Variants in SPIRE1 observed in about 807,000 individuals in gnomAD.
The protein encoded by SPIRE1 is protein spire homolog 1.
In SPIRE1, 40 loss-of-function variants were observed where a neutral mutation model predicts 94.1. The observed-to-expected ratio is 0.43, with a 90% confidence interval of 0.33 to 0.55. The LOEUF (loss-of-function observed/expected upper bound fraction) is 0.55. Ranked by LOEUF, SPIRE1 falls within the 20% of genes least tolerant of loss-of-function variation. The pLI is 0.06. For missense variants in SPIRE1, 838 were observed against 975.2 expected (o/e 0.86, Z 1.87); for synonymous variants, 376 against 371.7 (o/e 1.01, Z -0.13).
chr18:12,499,504 T>C (rs1862182314), intron 6 of SPIRE1, among the ~76,000 whole-genome samples: 1 of 146,648 alleles, frequency 6.8e-6, no homozygotes, highest in South Asian at 2.2e-4. Context: ...ATTTTTCCAT[T>C]TCTGCCAAAA....
At chr18:12,574,968 G>C (rs1223703733) in intron 2 of SPIRE1, among the ~76,000 whole-genome samples, 1 of 152,180 alleles carries the variant, frequency 6.6e-6, no homozygotes, top group East Asian at 1.9e-4. Flanking sequence ...GGAGGTCATT[G>C]GAGACTTTGG....
At chr18:12,501,519 G>A (rs904544220) in intron 6 of SPIRE1, among the ~76,000 whole-genome samples, 1 of 152,196 alleles carries the variant, frequency 6.6e-6, no homozygotes, top group African/African-American at 2.4e-5. Context: ...GAGTGGCTGG[G>A]ACTACAGGCA....
At chr18:12,592,024 GA>G (rs1293261769) in intron 2 of SPIRE1, among the ~76,000 whole-genome samples, 3 of 147,076 alleles carry the variant, frequency 2.0e-5, no homozygotes, top group African/African-American at 7.6e-5. Flanking sequence ...AAAAAATCAG[GA>G]ATTAACTTTA....
intron 12 of SPIRE1, among the ~76,000 whole-genome samples, chr18:12,458,971 G>A (rs1168261694): frequency 1.3e-5 from 2 of 152,188 alleles, no homozygotes; most frequent in Non-Finnish European, 2.9e-5. Flanking sequence ...CAAGGACAAG[G>A]TTAGTAAATC....
chr18:12,602,966 C>G (rs1438888685), intron 2 of SPIRE1, among the ~76,000 whole-genome samples: 2 of 152,152 alleles, frequency 1.3e-5, no homozygotes, highest in African/African-American at 4.8e-5. Flanking sequence ...ACAGATGCTG[C>G]TTGACTTATG....
At chr18:12,603,631 GT>G (rs910388582) in intron 2 of SPIRE1, among the ~76,000 whole-genome samples, 15 of 150,616 alleles carry the variant, frequency 1.0e-4, no homozygotes, top group African/African-American at 3.4e-4. Flanking sequence ...CTGCAGTGCA[GT>G]GGTGCAATCT....
chr18:12,589,792 C>A (rs2036481076), intron 2 of SPIRE1, among the ~76,000 whole-genome samples: 2 of 152,174 alleles, frequency 1.3e-5, no homozygotes, highest in East Asian at 3.8e-4. Context: ...CCTCATTACT[C>A]ATTTTATCTA....
At chr18:12,598,300 T>C (rs2036735449) in intron 2 of SPIRE1, among the ~76,000 whole-genome samples, 4 of 152,172 alleles carry the variant, frequency 2.6e-5, no homozygotes, top group African/African-American at 9.6e-5. Context: ...TTAAAAACAA[T>C]ATTTTGAATA....
chr18:12,565,926 C>T (rs1207898779), intron 2 of SPIRE1, among the ~76,000 whole-genome samples: 1 of 150,742 alleles, frequency 6.6e-6, no homozygotes, highest in African/African-American at 2.4e-5. Flanking sequence ...CCCAGCTACT[C>T]GGGAGGCTGA....
At chr18:12,476,668 GA>G (rs1174461069) in intron 10 of SPIRE1, among the ~76,000 whole-genome samples, 4 of 121,056 alleles carry the variant, frequency 3.3e-5, no homozygotes, top group Admixed American at 8.8e-5. Flanking sequence ...ATATATAAAA[GA>G]ATTTCAAAAC....
chr18:12,617,564 C>A (rs1037722666), intron 2 of SPIRE1, among the ~76,000 whole-genome samples: 1 of 152,140 alleles, frequency 6.6e-6, no homozygotes, highest in Non-Finnish European at 1.5e-5. Context: ...GCGCCTGCCA[C>A]CATGCCTGGC....
At chr18:12,640,704 A>G (rs2038060622) in intron 1 of SPIRE1, among the ~76,000 whole-genome samples, 1 of 152,204 alleles carries the variant, frequency 6.6e-6, no homozygotes, top group Non-Finnish European at 1.5e-5. Flanking sequence ...GGTAGAACCA[A>G]CTGCAGGGCG....
rs1455588843 is a variant in SPIRE1 at position 12,502,433 on chromosome 18, T to C, written c.972+4044A>G. The stretch of plus-strand genomic sequence containing the variant: ...GGAGGAAAATCACCTAAGATTAACA[T>C]TAAGTGCTCCCCCAATCAGAAAGGA... On this transcript the variant is annotated intron_variant, in intron 6 of 16. Coordinates refer to ENST00000409402, the MANE Select transcript of SPIRE1 (RefSeq NM_001128626.2). 2.0e-5 allele frequency among the ~76,000 whole-genome samples: 3 copies of C among 152,154 alleles called. No homozygotes were observed. In the East Asian group the frequency reaches 5.8e-4, roughly 29 times the overall value.
At chr18:12,661,760 G>A (rs1281204535), upstream of SPIRE1, 1 of 154,522 alleles carries the variant, frequency 6.5e-6, no homozygotes, top group East Asian at 1.9e-4. Flanking sequence ...GGGTGACAGA[G>A]TGAGAGTCCG....
At chr18:12,493,270 G>C in intron 7 of SPIRE1, 69 bp from the exon 8 acceptor site, 2 of 1,374,186 alleles carry the variant, frequency 1.5e-6, no homozygotes, top group Admixed American at 4.5e-5. Context: ...TAGTCATACA[G>C]TACAGTATTA....
chr18:12,592,655 T>C (rs762881353), intron 2 of SPIRE1, among the ~76,000 whole-genome samples: 1 of 152,170 alleles, frequency 6.6e-6, no homozygotes, highest in Non-Finnish European at 1.5e-5. Context: ...GCAAAGCCTG[T>C]CTCTATCTTA....
At chr18:12,576,152 G>A (rs1483088523) in intron 2 of SPIRE1, among the ~76,000 whole-genome samples, 1 of 151,974 alleles carries the variant, frequency 6.6e-6, no homozygotes, top group Non-Finnish European at 1.5e-5. Flanking sequence ...GCAGTGAGCC[G>A]AGATCACCCC....
At chr18:12,537,891 T>C (rs906168948) in intron 3 of SPIRE1, among the ~76,000 whole-genome samples, 46 of 152,326 alleles carry the variant, frequency 3.0e-4, no homozygotes, top group Admixed American at 5.9e-4. Context: ...TACTCATACA[T>C]TGGAAGACAA....
chr18:12,637,055 GC>G (rs2037949226), intron 1 of SPIRE1, among the ~76,000 whole-genome samples: 1 of 152,182 alleles, frequency 6.6e-6, no homozygotes, highest in Non-Finnish European at 1.5e-5. Flanking sequence ...ACAGAGAGTA[GC>G]CTCTTTAAGA....
Sources: allele counts gnomAD v4.1 joint callset (sites outside exome capture counted in the v4.1 genomes callset), GRCh38; gene constraint gnomAD v4.1.1; transcripts MANE v1.5; gene names NCBI Gene and HGNC (gene_info 2026-07-23, HGNC 2026-07-21).